M1AP: variants seen among roughly 807,000 people sequenced by gnomAD.
M1AP encodes the protein meiosis 1 associated protein, also known as meiosis 1 arrest protein.
Under a neutral mutation model 51.2 loss-of-function variants are expected in M1AP, and 39 were observed. The observed-to-expected ratio is 0.76, with a 90% confidence interval of 0.59 to 1.00. The LOEUF is 1.00. M1AP is among the 50% of genes least tolerant of loss of function. M1AP has a pLI of 0.00. For synonymous variants in M1AP, 251 were observed against 249.2 expected, an observed-to-expected ratio of 1.01 and a Z score of -0.07; for missense variants, 545 against 641.2, an observed-to-expected ratio of 0.85 and a Z score of 1.62.
intron 4 of M1AP, among the ~76,000 whole-genome samples, chr2:74,583,126 C>T (rs1395609470): frequency 6.6e-6 from 1 of 151,674 alleles, no homozygotes; most frequent in African/African-American, 2.4e-5. Flanking sequence ...ATAAAAACCA[C>T]CAAAAATTAT....
chr2:74,634,440 C>T (rs1005123235), intron 2 of M1AP, among the ~76,000 whole-genome samples: 15 of 152,158 alleles, frequency 9.9e-5, no homozygotes, highest in African/African-American at 3.6e-4. Flanking sequence ...CTTTGACATA[C>T]TTCTCCTCAA....
At chr2:74,616,410 C>G (rs1681671410) in intron 2 of M1AP, among the ~76,000 whole-genome samples, 1 of 152,162 alleles carries the variant, frequency 6.6e-6, no homozygotes, top group African/African-American at 2.4e-5. Flanking sequence ...AATCTAAATG[C>G]CATGGTGATT....
chr2:74,571,084 T>C (rs1678708966), intron 7 of M1AP, among the ~76,000 whole-genome samples: 1 of 152,128 alleles, frequency 6.6e-6, no homozygotes, highest in African/African-American at 2.4e-5. Flanking sequence ...GATAGGGGAA[T>C]GCTTCAAGGA....
chr2:74,620,612 C>G (rs1201969886), intron 2 of M1AP: 1 of 196,982 alleles, frequency 5.1e-6, no homozygotes, highest in African/African-American at 2.3e-5. Flanking sequence ...AAGCAGAGGC[C>G]AGAGTTAGTG....
At chr2:74,593,290 T>C (rs1680150731) in intron 4 of M1AP, among the ~76,000 whole-genome samples, 1 of 152,104 alleles carries the variant, frequency 6.6e-6, no homozygotes, top group African/African-American at 2.4e-5. Context: ...AAAGAGTAAA[T>C]AAGGGAATTC....
intron 3 of M1AP, among the ~76,000 whole-genome samples, chr2:74,611,841 C>G (rs917551310): frequency 7.7e-5 from 7 of 90,626 alleles, no homozygotes; most frequent in Admixed American, 2.4e-4. Flanking sequence ...TCAAAACAAA[C>G]AAACAAAAAA....
chr2:74,574,870 AT>A (rs1224477947), intron 7 of M1AP, among the ~76,000 whole-genome samples: 3 of 152,174 alleles, frequency 2.0e-5, no homozygotes, highest in Non-Finnish European at 4.4e-5. Context: ...CACCTGGTTA[AT>A]TCTCACTTAT....
intron 3 of M1AP, among the ~76,000 whole-genome samples, chr2:74,613,227 T>C (rs1681472705): frequency 6.6e-6 from 1 of 152,224 alleles, no homozygotes; most frequent in Admixed American, 6.5e-5. Context: ...ATATTAATCA[T>C]AGTTGCTTTA....
At chr2:74,562,515 G>A in intron 7 of M1AP, 92 bp from the exon 8 acceptor site, 2 of 1,432,660 alleles carry the variant, frequency 1.4e-6, no homozygotes, top group Non-Finnish European at 1.9e-6. Context: ...TGACTTCCAG[G>A]GGTGCTGAGG....
chr2:74,604,152 T>G (rs745571054), intron 4 of M1AP, among the ~76,000 whole-genome samples: 1 of 152,246 alleles, frequency 6.6e-6, no homozygotes, highest in African/African-American at 2.4e-5. Context: ...GCCATTTCCA[T>G]CTAACCCTTG....
At chr2:74,616,114 C>A (rs765925581) in intron 2 of M1AP, among the ~76,000 whole-genome samples, 1 of 152,030 alleles carries the variant, frequency 6.6e-6, no homozygotes, top group Non-Finnish European at 1.5e-5. Context: ...AATTCTTACA[C>A]AAAGAAAACT....
At position 74,648,245 on chromosome 2, in the gene M1AP, C is replaced by G. The variant is rs1683720495; in HGVS notation, c.-53+20G>C. ...CTGCTCTCGGGCTGCCCTCCCTCCCCGAGGCGTGGAGAACCGTACCTGTCT... is the reference window on the plus strand; with the variant it reads ...CTGCTCTCGGGCTGCCCTCCCTCCCGGAGGCGTGGAGAACCGTACCTGTCT... On this transcript the variant is annotated intron_variant, in intron 1 of 10. Transcript: ENST00000421985. 1.0e-6 allele frequency: 1 copy of G among 983,036 alleles called. No individual in the cohort carries two copies. The highest frequency in any genetic ancestry group is 1.7e-5 in the African/African-American group (1 of 57,206). 60.9% of individuals were successfully genotyped at this position (983,036 alleles called of 1,614,324 possible). A position where few individuals can be genotyped will look rare whatever the true frequency, so the allele number is the denominator to read the frequency against.
intron 2 of M1AP, chr2:74,615,531 G>C: frequency 5.1e-6 from 1 of 196,178 alleles, no homozygotes; most frequent in South Asian, 1.0e-4. Context: ...GTCAGTCTAG[G>C]CACCAAAAGC....
At chr2:74,603,051 T>C (rs999132072) in intron 4 of M1AP, among the ~76,000 whole-genome samples, 1 of 152,178 alleles carries the variant, frequency 6.6e-6, no homozygotes, top group African/African-American at 2.4e-5. Context: ...AAAGAGCTTC[T>C]CTCTCACAGA....
intron 4 of M1AP, among the ~76,000 whole-genome samples, chr2:74,592,167 A>G (rs1348098159): frequency 1.3e-5 from 2 of 152,106 alleles, no homozygotes. Flanking sequence ...GACTCTGTGT[A>G]TATACATGCA....
At chr2:74,589,111 G>A (rs900982268) in intron 4 of M1AP, among the ~76,000 whole-genome samples, 2 of 152,240 alleles carry the variant, frequency 1.3e-5, no homozygotes, top group Non-Finnish European at 2.9e-5. Flanking sequence ...GGCTGGCCAG[G>A]GAAGTATTCT....
intron 5 of M1AP, among the ~76,000 whole-genome samples, chr2:74,577,767 T>C (rs1679163901): frequency 6.6e-6 from 1 of 152,218 alleles, no homozygotes; most frequent in African/African-American, 2.4e-5. Context: ...CTTCCTCTTA[T>C]TTCCTCTGTG....
intron 6 of M1AP, 43 bp from the exon 7 acceptor site, chr2:74,575,622 T>G: frequency 1.7e-5 from 25 of 1,486,198 alleles, no homozygotes; most frequent in Non-Finnish European, 2.1e-5. Flanking sequence ...TAGTGATATC[T>G]AGAACCTCCA....
At chr2:74,559,015 G>A (rs1677712297) in intron 10 of M1AP, 141 bp from the exon 11 acceptor site, 2 of 806,014 alleles carry the variant, frequency 2.5e-6, no homozygotes, top group South Asian at 2.2e-5. Context: ...ACAGTGATCT[G>A]GAGTCCCTTA....
Sources: allele counts gnomAD v4.1 joint callset (sites outside exome capture counted in the v4.1 genomes callset), GRCh38; gene constraint gnomAD v4.1.1; transcripts MANE v1.5; gene names NCBI Gene and HGNC (gene_info 2026-07-23, HGNC 2026-07-21).